Variants in GRB14 observed in about 807,000 individuals in gnomAD.
The protein encoded by GRB14 is growth factor receptor-bound protein 14.
Under a neutral mutation model 69.1 loss-of-function variants are expected in GRB14, and 38 were observed. The observed-to-expected ratio is 0.55, with a 90% CI of 0.42 to 0.72. The LOEUF is 0.72. Among genes scored for constraint, GRB14 ranks in the 30% least tolerant of loss-of-function variants. GRB14 has a pLI of 0.00. For synonymous variants in GRB14, 247 were observed against 241.3 expected, an observed-to-expected ratio of 1.02 and a Z score of -0.22; for missense variants, 666 against 666.1, an observed-to-expected ratio of 1.00 and a Z score of 0.00.
chr2:164,497,360 G>A lies in GRB14; in HGVS notation c.1221+14C>T. The A allele has an allele frequency of 1.9e-6, 3 of 1,605,192 alleles. No homozygotes were observed. The highest frequency in any genetic ancestry group is 2.6e-6 in the Non-Finnish European group (3 of 1,173,982). On this transcript the variant is annotated intron_variant, in intron 10 of 13. Coordinates refer to ENST00000263915, the MANE Select transcript of GRB14 (RefSeq NM_004490.3). The stretch of plus-strand genomic sequence containing the variant: ...AAATCATAAATATTTTGAAGCATGT[G>A]AAGCTACTTGTACCCTCCAAGCGAG...
intron 3 of GRB14, among the ~76,000 whole-genome samples, chr2:164,540,797 C>T (rs1688214905): frequency 6.6e-6 from 1 of 152,158 alleles, no homozygotes; most frequent in African/African-American, 2.4e-5. Context: ...CTGTTTTGCT[C>T]ATACTGCATC....
intron 2 of GRB14, among the ~76,000 whole-genome samples, chr2:164,617,009 G>A (rs1296564878): frequency 6.6e-6 from 1 of 152,174 alleles, no homozygotes; most frequent in Non-Finnish European, 1.5e-5. Flanking sequence ...CTTACATAGA[G>A]TCATCTATTC....
At chr2:164,606,204 G>T (rs899982943) in intron 2 of GRB14, among the ~76,000 whole-genome samples, 1 of 152,008 alleles carries the variant, frequency 6.6e-6, no homozygotes, top group African/African-American at 2.4e-5. Context: ...ATGCATATAT[G>T]CATCTTATAC....
At chr2:164,606,963 A>T (rs1409780830) in intron 2 of GRB14, among the ~76,000 whole-genome samples, 1 of 152,228 alleles carries the variant, frequency 6.6e-6, no homozygotes, top group Non-Finnish European at 1.5e-5. Context: ...CATGCTTTTT[A>T]ACTGGCATAC....
chr2:164,552,479 T>A (rs1198487251), intron 2 of GRB14, among the ~76,000 whole-genome samples: 1 of 152,302 alleles, frequency 6.6e-6, no homozygotes, highest in Non-Finnish European at 1.5e-5. Flanking sequence ...CCCATTTTTA[T>A]GCTCAGAAAA....
In GRB14 at chr2:164,502,294, T is replaced by C; in HGVS notation, c.1065A>G (p.Gln355=). Reference sequence around the variant, plus strand: ...TCTGTGAACTGCAGCCACTTCTACCTTGATATGGATGCATATAATTCTGGT... The same window carrying C: ...TCTGTGAACTGCAGCCACTTCTACCCTGATATGGATGCATATAATTCTGGT... ...QLYQNYMHPY[Q]GRSGCSSQSI... The change falls in exon 9 of 14, where the codon CAA becomes CAG. Residue 355 remains glutamine, a synonymous_variant. Transcript: ENST00000263915. 6.2e-7 allele frequency: 1 copy of C among 1,606,948 alleles called. No homozygotes were observed. The highest frequency in any genetic ancestry group is 2.2e-5 in the East Asian group (1 of 44,754).
chr2:164,530,734 GAGA>G (rs1383742844), intron 3 of GRB14, among the ~76,000 whole-genome samples: 1 of 152,168 alleles, frequency 6.6e-6, no homozygotes, highest in Non-Finnish European at 1.5e-5. Context: ...GTTATCCCAG[GAGA>G]AGAAGTTAAG....
intron 3 of GRB14, among the ~76,000 whole-genome samples, chr2:164,545,351 A>T (rs1287091042): frequency 6.6e-6 from 1 of 152,164 alleles, no homozygotes; most frequent in Non-Finnish European, 1.5e-5. Flanking sequence ...TAAATTAAGG[A>T]TCTTGAAATG....
chr2:164,621,222 C>G lies in GRB14; in HGVS notation c.88G>C (p.Ala30Pro). The change falls in exon 1 of 14, where the codon GCC (alanine) becomes CCC (proline). Residue 30 changes from alanine to proline, a missense_variant. Coordinates refer to ENST00000263915, the MANE Select transcript of GRB14 (RefSeq NM_004490.3). The surrounding 1 kb of genome is among the most constrained non-coding windows in gnomAD (Gnocchi z 6.0). ...SPLAAQVCGAAQGRGDAHDLA... is the reference protein window; with the variant it reads ...SPLAAQVCGAPQGRGDAHDLA... ...TCGTGGGCGTCGCCCCTCCCCTGGG[C>G]AGCGCCACACACCTGGGCGGCCAGC... is the stretch of plus-strand genomic sequence containing the variant. The G allele has an allele frequency of 1.6e-6, 2 of 1,251,064 alleles. No homozygotes were observed. The highest frequency in any genetic ancestry group is 2.0e-6 in the Non-Finnish European group (2 of 995,220). The allele number at this position is 1,251,064 out of a possible 1,614,324, so 77.5% of individuals were successfully genotyped here. A position where few individuals can be genotyped will look rare whatever the true frequency, so the allele number is the denominator to read the frequency against.
intron 9 of GRB14, 107 bp downstream of exon 9, chr2:164,502,148 C>A: frequency 5.1e-6 from 3 of 584,492 alleles, no homozygotes; most frequent in South Asian, 2.7e-5. Flanking sequence ...GTTACTTTAC[C>A]AACAGAAAAT....
chr2:164,532,088 G>A (rs184992286), intron 3 of GRB14, among the ~76,000 whole-genome samples: 91 of 152,306 alleles, frequency 6.0e-4, no homozygotes, highest in African/African-American at 1.8e-3. Flanking sequence ...TTGGATAAAA[G>A]TTAGACAGAT....
chr2:164,554,215 A>G (rs893236836), intron 2 of GRB14, among the ~76,000 whole-genome samples: 3 of 152,134 alleles, frequency 2.0e-5, no homozygotes, highest in African/African-American at 7.2e-5. Context: ...TATACATACT[A>G]AAAGGTAAAA....
intron 2 of GRB14, among the ~76,000 whole-genome samples, chr2:164,603,398 T>C (rs1295061956): frequency 6.6e-6 from 1 of 152,132 alleles, no homozygotes; most frequent in Non-Finnish European, 1.5e-5. Flanking sequence ...GTGCGGTGGC[T>C]CACACCAGTA....
intron 6 of GRB14, among the ~76,000 whole-genome samples, chr2:164,519,943 G>A (rs1401227780): frequency 6.6e-6 from 1 of 151,836 alleles, no homozygotes; most frequent in African/African-American, 2.4e-5. Context: ...ACTGCCAAAA[G>A]CAATCTAGAA....
chr2:164,530,476 G>A (rs566098767), intron 3 of GRB14, among the ~76,000 whole-genome samples: 3 of 152,034 alleles, frequency 2.0e-5, no homozygotes, highest in Non-Finnish European at 4.4e-5. Context: ...AACCTTACAG[G>A]GAAAAATAGA....
intron 2 of GRB14, among the ~76,000 whole-genome samples, chr2:164,587,391 G>C (rs1689563185): frequency 6.6e-6 from 1 of 152,128 alleles, no homozygotes; most frequent in African/African-American, 2.4e-5. Context: ...CATTATCTAA[G>C]GTGAATTACT....
intron 8 of GRB14, among the ~76,000 whole-genome samples, chr2:164,504,064 G>T (rs917488473): frequency 1.3e-5 from 2 of 152,116 alleles, no homozygotes; most frequent in Non-Finnish European, 2.9e-5. Flanking sequence ...GACATTACAT[G>T]TGAGAAAATC....
intron 2 of GRB14, among the ~76,000 whole-genome samples, chr2:164,579,605 G>A (rs369852313): frequency 6.6e-6 from 1 of 151,980 alleles, no homozygotes; most frequent in Non-Finnish European, 1.5e-5. Context: ...GAAGTGGGGG[G>A]AAATGAGTCT....
chr2:164,606,134 T>C (rs1160103634), intron 2 of GRB14, among the ~76,000 whole-genome samples: 1 of 152,202 alleles, frequency 6.6e-6, no homozygotes, highest in Non-Finnish European at 1.5e-5. Flanking sequence ...TCCAAAAAGG[T>C]GTTCCATGTT....
Sources: allele counts gnomAD v4.1 joint callset (sites outside exome capture counted in the v4.1 genomes callset), GRCh38; gene constraint gnomAD v4.1.1; non-coding constraint Gnocchi (gnomAD v3.1); transcripts MANE v1.5; gene names NCBI Gene and HGNC (gene_info 2026-07-23, HGNC 2026-07-21).